Variants in TBC1D8 observed in about 807,000 individuals in gnomAD.
TBC1D8 encodes TBC1 domain family member 8.
TBC1D8 carries 65 observed loss-of-function variants against 118.8 expected under a neutral mutation model. The ratio of observed to expected loss-of-function variants is 0.55; its 90% CI spans 0.45 to 0.67. The LOEUF (loss-of-function observed/expected upper bound fraction) is 0.67. TBC1D8 is among the 30% of genes least tolerant of loss of function. TBC1D8 has a pLI of 0.00. For synonymous variants in TBC1D8, 566 were observed against 595.8 expected (o/e 0.95, Z 0.73); for missense variants, 1,376 against 1,471.2 (o/e 0.94, Z 1.06).
chr2:101,090,437 T>A, intron 1 of TBC1D8, 73 bp from the exon 2 acceptor site: 2 of 1,530,284 alleles, frequency 1.3e-6, no homozygotes, highest in Non-Finnish European at 1.8e-6. Flanking sequence ...GTGAGGCATG[T>A]GGTCGCTGTC....
chr2:101,069,632 G>A (rs1683202026), intron 2 of TBC1D8, among the ~76,000 whole-genome samples: 1 of 152,072 alleles, frequency 6.6e-6, no homozygotes, highest in Non-Finnish European at 1.5e-5. Context: ...AAAATAAGGT[G>A]CAATGAAAGT....
At chr2:101,081,958 A>G (rs1223993483) in intron 2 of TBC1D8, among the ~76,000 whole-genome samples, 1 of 152,126 alleles carries the variant, frequency 6.6e-6, no homozygotes, top group African/African-American at 2.4e-5. Context: ...GACCAACATG[A>G]TGAAACTCTG....
Position 101,037,588 on chromosome 2 carries a change from C to T in TBC1D8, c.1396G>A (p.Asp466Asn), listed in dbSNP as rs374615412. 34 of 1,613,266 alleles carry T rather than the reference C, an allele frequency of 2.1e-5. No homozygotes were observed. Among genetic ancestry groups the T allele is most frequent in the African/African-American group, 4.0e-5 (3 of 74,890 alleles). Residue 466 changes from aspartate (D) to asparagine (N), a missense_variant, in exon 8 of 20, where the codon GAT (aspartate) becomes AAT (asparagine). By Grantham distance (23) the Asp-to-Asn change is conservative. Transcript: ENST00000409318. Reference sequence around the variant, plus strand: ...TGCTGGAAGGCGGTGACCAGGGCATCGGGGTGCATCAGCGGGCTCTTCTCT... The same window carrying T: ...TGCTGGAAGGCGGTGACCAGGGCATTGGGGTGCATCAGCGGGCTCTTCTCT... The part of the protein sequence containing the change: ...EKEKSPLMHP[D>N]ALVTAFQQSG...
At chr2:101,124,434 A>G (rs1478279792) in intron 1 of TBC1D8, among the ~76,000 whole-genome samples, 1 of 152,206 alleles carries the variant, frequency 6.6e-6, no homozygotes, top group Non-Finnish European at 1.5e-5. Flanking sequence ...AACCAAGATG[A>G]AAACTACCAC....
chr2:101,024,402 A>ATT (rs34272976), intron 15 of TBC1D8, among the ~76,000 whole-genome samples: 23,270 of 121,054 alleles, frequency 0.19, 2,871 homozygotes, highest in Middle Eastern at 0.28. Flanking sequence ...TGGGACTGTA[A>ATT]TTTTTTTTTT....
intron 9 of TBC1D8, among the ~76,000 whole-genome samples, chr2:101,035,048 G>A (rs183849317): frequency 5.3e-5 from 8 of 152,222 alleles, no homozygotes; most frequent in Non-Finnish European, 8.8e-5. Context: ...GGAAAGTGAG[G>A]GACAAAGTTG....
intron 15 of TBC1D8, among the ~76,000 whole-genome samples, chr2:101,025,367 C>T (rs758300655): frequency 5.9e-5 from 9 of 152,280 alleles, no homozygotes; most frequent in Non-Finnish European, 1.0e-4. Context: ...GCTGGGATTA[C>T]AGGAGTGCGT....
intron 5 of TBC1D8, among the ~76,000 whole-genome samples, chr2:101,042,923 C>T (rs1464714014): frequency 1.3e-5 from 2 of 152,184 alleles, no homozygotes; most frequent in African/African-American, 4.8e-5. Flanking sequence ...TAAGACCTCA[C>T]CTCAACCATG....
intron 1 of TBC1D8, among the ~76,000 whole-genome samples, chr2:101,096,747 A>G (rs972964576): frequency 5.3e-5 from 8 of 152,050 alleles, no homozygotes; most frequent in African/African-American, 1.9e-4. Flanking sequence ...GAGCTAGAAG[A>G]TAAGTCAATA....
chr2:101,090,230 C>A lies in TBC1D8; in HGVS notation c.262G>T (p.Val88Phe), dbSNP rs752980979. The part of the protein sequence containing the change: ...ACGELLNGSD[V>F]YWAIATGATL... ...TCACCAGTGGCTATGGCCCAGTAAA[C>A]GTCTGATCCATTCAGTAACTCACCA... Residue 88 changes from valine (V) to phenylalanine (F), a missense_variant, in exon 2 of 20, where the codon GTT (valine) becomes TTT (phenylalanine). Coordinates refer to ENST00000409318, the MANE Select transcript of TBC1D8 (RefSeq NM_001330348.2). 3 of 1,613,652 alleles carry A rather than the reference C, an allele frequency of 1.9e-6. No individual in the cohort carries two copies. The highest frequency in any genetic ancestry group is 2.7e-5 in the African/African-American group (2 of 74,898).
chr2:101,109,762 C>G, intron 1 of TBC1D8: 4 of 983,838 alleles, frequency 4.1e-6, no homozygotes, highest in Middle Eastern at 5.2e-4. Flanking sequence ...AGCCCACGTT[C>G]TCTTCTACTG....
At chr2:101,078,421 A>T (rs1391397041) in intron 2 of TBC1D8, among the ~76,000 whole-genome samples, 1 of 152,196 alleles carries the variant, frequency 6.6e-6, no homozygotes, top group African/African-American at 2.4e-5. Context: ...CTAAGAATGG[A>T]CTGAGTCCAG....
At chr2:101,079,876 C>T (rs971444130) in intron 2 of TBC1D8, among the ~76,000 whole-genome samples, 4 of 151,678 alleles carry the variant, frequency 2.6e-5, no homozygotes, top group East Asian at 1.9e-4. Context: ...TTAGTAGAGA[C>T]GGGGTTTCAC....
intron 1 of TBC1D8, among the ~76,000 whole-genome samples, chr2:101,092,533 A>C (rs1206203902): frequency 6.6e-6 from 1 of 152,116 alleles, no homozygotes; most frequent in East Asian, 1.9e-4. Context: ...TCTCTTACTT[A>C]TATCAGTATG....
chr2:101,130,449 G>A (rs765050647), intron 1 of TBC1D8, among the ~76,000 whole-genome samples: 12 of 152,164 alleles, frequency 7.9e-5, no homozygotes, highest in Non-Finnish European at 1.3e-4. Context: ...GAAGTTCCTC[G>A]CCCCAGTGCT....
intron 2 of TBC1D8, among the ~76,000 whole-genome samples, chr2:101,082,804 G>GT (rs1675352082): frequency 6.6e-6 from 1 of 152,118 alleles, no homozygotes; most frequent in African/African-American, 2.4e-5. Flanking sequence ...TCTTTAACAG[G>GT]TAGAGTTTCA....
At chr2:101,073,264 T>G (rs13032971) in intron 2 of TBC1D8, among the ~76,000 whole-genome samples, 38,111 of 150,738 alleles carry the variant, frequency 0.25, 5,695 homozygotes, top group Middle Eastern at 0.35. Context: ...TGTTTTATTT[T>G]TTTTATTTTT....
intron 17 of TBC1D8, among the ~76,000 whole-genome samples, chr2:101,017,091 G>C (rs184697757): frequency 1.1e-5 from 1 of 92,942 alleles, no homozygotes; most frequent in South Asian, 3.0e-4. Flanking sequence ...AAAAAAAAAA[G>C]ACAAACACGC....
chr2:101,011,087 G>A, intron 18 of TBC1D8, 61 bp from the exon 19 acceptor site: 1 of 1,528,140 alleles, frequency 6.5e-7, no homozygotes, highest in South Asian at 1.1e-5. Flanking sequence ...CAGCAAAAAG[G>A]AAACTATGTA....
Sources: allele counts gnomAD v4.1 joint callset (sites outside exome capture counted in the v4.1 genomes callset), GRCh38; gene constraint gnomAD v4.1.1; transcripts MANE v1.5; gene names NCBI Gene and HGNC (gene_info 2026-07-23, HGNC 2026-07-21).